USP7: variants seen among roughly 807,000 people sequenced by gnomAD.
USP7 encodes the protein ubiquitin C-terminal hydrolase 7.
Under a neutral mutation model 162.9 loss-of-function variants are expected in USP7, and 9 were observed. That is an observed-to-expected ratio of 0.06 (90% CI 0.03 to 0.10). USP7 has a LOEUF of 0.10. Ranked by LOEUF, USP7 falls within the 10% of genes least tolerant of loss-of-function variation. USP7 has a pLI of 1.00. For missense variants in USP7, 715 were observed against 1,373.7 expected (o/e 0.52, Z 7.58); for synonymous variants, 562 against 475.9 (o/e 1.18, Z -2.35).
At chr16:8,937,582 C>A (rs1170157695) in intron 1 of USP7, among the ~76,000 whole-genome samples, 1 of 152,074 alleles carries the variant, frequency 6.6e-6, no homozygotes, top group East Asian at 1.9e-4. Flanking sequence ...CACCTGTAAT[C>A]CCAGCCACTT....
chr16:8,961,001 T>G (rs555441917), intron 1 of USP7, among the ~76,000 whole-genome samples: 2 of 152,308 alleles, frequency 1.3e-5, no homozygotes, highest in African/African-American at 4.8e-5. Flanking sequence ...GTTTAAGGAA[T>G]CAGCATTAGT....
intron 1 of USP7, among the ~76,000 whole-genome samples, chr16:8,947,070 G>A (rs1338061423): frequency 1.3e-5 from 2 of 152,080 alleles, no homozygotes; most frequent in Admixed American, 1.3e-4. Flanking sequence ...ATTCAAAAAG[G>A]CTACTAAAGC....
At chr16:8,941,928 G>C (rs904416327) in intron 1 of USP7, among the ~76,000 whole-genome samples, 3 of 152,222 alleles carry the variant, frequency 2.0e-5, no homozygotes, top group Admixed American at 6.5e-5. Flanking sequence ...TTGCAATAGA[G>C]GGCAAACGCA....
chr16:8,903,605 C>T (rs769117620), intron 15 of USP7, among the ~76,000 whole-genome samples: 32 of 152,234 alleles, frequency 2.1e-4, no homozygotes, highest in Non-Finnish European at 4.1e-4. Context: ...GTGGGCAGGG[C>T]ACGGTGGCTC....
At chr16:8,957,788 A>C (rs1002679720) in intron 1 of USP7, among the ~76,000 whole-genome samples, 2 of 152,078 alleles carry the variant, frequency 1.3e-5, no homozygotes, top group African/African-American at 4.8e-5. Context: ...AAAAAATTAA[A>C]AACACAAAAA....
intron 1 of USP7, among the ~76,000 whole-genome samples, chr16:8,947,957 A>G (rs1355341057): frequency 6.6e-6 from 1 of 152,126 alleles, no homozygotes; most frequent in African/African-American, 2.4e-5. Flanking sequence ...CAGGGTCTTT[A>G]GGCTCCATTA....
chr16:8,900,422 AAAAC>A lies in USP7; in HGVS notation c.2309+104_2309+107del, dbSNP rs1411814078. ...CTCAACAGTTACATTAAAAAAAACAAAAACAAAAACGTGGCTCGGGATCTAGGTA... is the reference window on the plus strand; with the variant it reads ...CTCAACAGTTACATTAAAAAAAACAAAAAAACGTGGCTCGGGATCTAGGTA... On this transcript the variant is annotated intron_variant, in intron 21 of 30. Transcript: ENST00000344836. The A allele has an allele frequency of 1.0e-5, 8 of 780,708 alleles. No individual in the cohort carries two copies. The South Asian group carries it at 1.3e-4, about 13-fold the overall frequency. The allele number at this position is 780,708 out of a possible 1,614,324, so 48.4% of individuals were successfully genotyped here.
intron 1 of USP7, among the ~76,000 whole-genome samples, chr16:8,950,236 A>T (rs1899486665): frequency 1.3e-5 from 2 of 152,202 alleles, no homozygotes; most frequent in South Asian, 4.1e-4. Flanking sequence ...AAGGTCTAGA[A>T]ATAATGTTAT....
Position 8,920,289 on chromosome 16 carries a change from G to A in USP7, c.611+70C>T. On this transcript the variant is annotated intron_variant, in intron 5 of 30. Transcript: ENST00000344836. ...TTAAATATGTGCATCTCTATTACAT[G>A]CACGCTAAAGCTTCTTTCACTGCAG... 4 of 1,327,602 alleles carry A rather than the reference G, an allele frequency of 3.0e-6. 1 individual carries two copies. The South Asian group carries it at 5.1e-5, about 17-fold the overall frequency. 82.2% of individuals were successfully genotyped at this position (1,327,602 alleles called of 1,614,324 possible). A position where few individuals can be genotyped will look rare whatever the true frequency, so the allele number is the denominator to read the frequency against.
Position 8,895,627 on chromosome 16 carries a change from A to C in USP7, c.2919+15T>G. 1 of 1,601,254 alleles carries C rather than the reference A, an allele frequency of 6.2e-7. No individual in the cohort carries two copies. The highest frequency in any genetic ancestry group is 8.5e-7 in the Non-Finnish European group (1 of 1,170,042). On this transcript the variant is annotated intron_variant, in intron 27 of 30. Transcript: ENST00000344836. ...ATGAATTCTCTCTGGTGCCAACAGT[A>C]TCGGGGACAGATACCTCTATTCGAA... is the stretch of plus-strand genomic sequence containing the variant.
rs892113211 is a variant in USP7, at chr16:8,963,820, G to C, written c.-535C>G. On this transcript the variant is annotated 5_prime_UTR_variant, in exon 1 of 31. Coordinates refer to ENST00000344836, the MANE Select transcript of USP7 (RefSeq NM_003470.3). Reference sequence around the variant, plus strand: ...CGAGAGCCGCGGCCTCCGCCTCCTCGGCGTCGTCGTCGGGGCTCCGGCAGC... The same window carrying C: ...CGAGAGCCGCGGCCTCCGCCTCCTCCGCGTCGTCGTCGGGGCTCCGGCAGC... 6.8e-6 allele frequency among the ~76,000 whole-genome samples: 1 copy of C among 146,092 alleles called. No individual in the cohort carries two copies. The highest frequency in any genetic ancestry group is 2.5e-5 in the African/African-American group (1 of 40,718).
intron 15 of USP7, 128 bp downstream of exon 15, chr16:8,904,305 TAC>T (rs1169818622): frequency 2.7e-6 from 4 of 1,498,336 alleles, no homozygotes; most frequent in African/African-American, 2.8e-5. Context: ...TGCACTTGCG[TAC>T]AGAGATGGAT....
chr16:8,900,125 T>C (rs1426347471), intron 21 of USP7: 2 of 371,978 alleles, frequency 5.4e-6, no homozygotes, highest in African/African-American at 4.2e-5. Context: ...AATCTGGGCT[T>C]TCGTGTGCCA....
intron 30 of USP7, among the ~76,000 whole-genome samples, 157 bp from the exon 31 acceptor site, chr16:8,894,261 G>A (rs757242380): frequency 1.3e-5 from 2 of 152,172 alleles, no homozygotes; most frequent in African/African-American, 4.8e-5. Context: ...GAGCTAAGGA[G>A]GCCCACACCC....
At chr16:8,956,679 C>T (rs1378618318) in intron 1 of USP7, among the ~76,000 whole-genome samples, 1 of 152,000 alleles carries the variant, frequency 6.6e-6, no homozygotes, top group East Asian at 1.9e-4. Flanking sequence ...AGGAGTATGG[C>T]TTAAACCCAG....
chr16:8,943,730 G>A (rs1189072255), intron 1 of USP7, among the ~76,000 whole-genome samples: 6 of 152,168 alleles, frequency 3.9e-5, no homozygotes, highest in African/African-American at 1.4e-4. Flanking sequence ...AAGGCAATAT[G>A]TATTAAAATC....
At chr16:8,916,804 G>T (rs1029206560) in intron 7 of USP7, among the ~76,000 whole-genome samples, 1 of 152,020 alleles carries the variant, frequency 6.6e-6, no homozygotes, top group African/African-American at 2.4e-5. Context: ...AACCTTAAGC[G>T]GTGAATTCTT....
At chr16:8,930,669 T>C (rs915236325) in intron 1 of USP7, among the ~76,000 whole-genome samples, 1 of 152,190 alleles carries the variant, frequency 6.6e-6, no homozygotes, top group Non-Finnish European at 1.5e-5. Flanking sequence ...AAACTTTTTA[T>C]ATAAAATCTC....
chr16:8,898,645 C>A lies in USP7; in HGVS notation c.2532-6G>T. On this transcript the variant is annotated splice_region_variant and splice_polypyrimidine_tract_variant and intron_variant, in intron 23 of 30. Transcript: ENST00000344836. ...TACCTGGGCCATCCCTATAACTACA[C>A]AAGAAAACAGCATATAAATAAATGA... The A allele has an allele frequency of 6.4e-7, 1 of 1,564,050 alleles. No homozygotes were observed. The highest frequency in any genetic ancestry group is 8.6e-7 in the Non-Finnish European group (1 of 1,157,658).
Sources: gnomAD v4.1 joint callset for allele counts (sites outside exome capture counted in the v4.1 genomes callset) on GRCh38, gnomAD v4.1.1 for gene constraint, MANE v1.5 for transcripts, NCBI Gene and HGNC (gene_info 2026-07-23, HGNC 2026-07-21) for gene names.